Variants in TNR observed in about 807,000 individuals in gnomAD.
The protein encoded by TNR is tenascin R.
A neutral mutation model predicts 150.4 loss-of-function variants in TNR; 45 were observed. The observed-to-expected ratio is 0.30, with a 90% CI of 0.24 to 0.38. TNR has a LOEUF of 0.38. Ranked by LOEUF, TNR falls within the 10% of genes least tolerant of loss-of-function variation. TNR has a pLI of 1.00. For missense variants in TNR, 1,544 were observed against 1,759.1 expected, an observed-to-expected ratio of 0.88 and a Z score of 2.19; for synonymous variants, 687 against 678.4, an observed-to-expected ratio of 1.01 and a Z score of -0.20.
intron 2 of TNR, among the ~76,000 whole-genome samples, chr1:175,419,290 T>C (rs915018055): frequency 6.6e-6 from 1 of 152,182 alleles, no homozygotes; most frequent in South Asian, 2.1e-4. Context: ...TTTAAATGTG[T>C]TCAATCTGAA....
chr1:175,513,476 A>G (rs1659277741), intron 2 of TNR, among the ~76,000 whole-genome samples: 1 of 152,100 alleles, frequency 6.6e-6, no homozygotes, highest in Non-Finnish European at 1.5e-5. Flanking sequence ...ATCCCTCTCC[A>G]CATGCTCTGT....
intron 2 of TNR, among the ~76,000 whole-genome samples, chr1:175,496,709 G>A (rs975650636): frequency 8.5e-5 from 13 of 152,294 alleles, no homozygotes; most frequent in African/African-American, 2.9e-4. Flanking sequence ...AAAGGAACTG[G>A]CTTCAAGTCT....
At chr1:175,346,880 C>T (rs1650812611) in intron 18 of TNR, among the ~76,000 whole-genome samples, 1 of 125,900 alleles carries the variant, frequency 7.9e-6, no homozygotes, top group Non-Finnish European at 1.8e-5. Flanking sequence ...ACAAGTTATT[C>T]CACAAAAGAA....
intron 20 of TNR, among the ~76,000 whole-genome samples, chr1:175,332,390 T>A (rs1649987527): frequency 6.6e-6 from 1 of 152,100 alleles, no homozygotes. Context: ...CATTCCCTTC[T>A]CCCCAGTGAA....
chr1:175,431,724 G>C (rs1655272125), intron 2 of TNR, among the ~76,000 whole-genome samples: 1 of 151,700 alleles, frequency 6.6e-6, no homozygotes, highest in Non-Finnish European at 1.5e-5. Flanking sequence ...AAAGAGTAGT[G>C]GTCATGGTGG....
chr1:175,689,657 G>C (rs1666301435), intron 1 of TNR, among the ~76,000 whole-genome samples: 1 of 152,176 alleles, frequency 6.6e-6, no homozygotes, highest in Non-Finnish European at 1.5e-5. Context: ...GCCTCTCATT[G>C]CCTTTATTGG....
chr1:175,490,388 T>C (rs1318146501), intron 2 of TNR, among the ~76,000 whole-genome samples: 1 of 152,138 alleles, frequency 6.6e-6, no homozygotes, highest in African/African-American at 2.4e-5. Flanking sequence ...CTAAGTAAAC[T>C]AAAGAGCTTC....
chr1:175,530,680 T>C, intron 1 of TNR, among the ~76,000 whole-genome samples: 1 of 152,182 alleles, frequency 6.6e-6, no homozygotes, highest in East Asian at 1.9e-4. Context: ...ACACATACTT[T>C]TACAAGATTA....
chr1:175,354,666 G>A, intron 17 of TNR, 143 bp from the exon 18 acceptor site: 1 of 1,113,366 alleles, frequency 9.0e-7, no homozygotes, highest in South Asian at 1.5e-5. Context: ...CCACAATAAG[G>A]ATTACTGCAC....
chr1:175,706,269 T>G (rs1453178776), intron 1 of TNR, among the ~76,000 whole-genome samples: 1 of 152,204 alleles, frequency 6.6e-6, no homozygotes, highest in East Asian at 1.9e-4. Context: ...GAATGCTATG[T>G]GTCAAGCCTG....
chr1:175,606,853 G>T (rs1257597218), intron 1 of TNR, among the ~76,000 whole-genome samples: 1 of 152,148 alleles, frequency 6.6e-6, no homozygotes, highest in Non-Finnish European at 1.5e-5. Flanking sequence ...AGCAACATGG[G>T]GTCAAGTCTG....
chr1:175,576,659 T>A (rs1662122657), intron 1 of TNR, among the ~76,000 whole-genome samples: 1 of 149,870 alleles, frequency 6.7e-6, no homozygotes, highest in Non-Finnish European at 1.5e-5. Flanking sequence ...TGTAAATACT[T>A]CATAAACTTT....
rs547205482 is a variant in TNR at position 175,591,271 on chromosome 1, C to T, written c.-164-62902G>A. Among the ~76,000 whole-genome samples the T allele has an allele frequency of 4.1e-4, 63 of 152,266 alleles. 1 individual carries two copies. The highest frequency in any genetic ancestry group is 1.4e-3 in the African/African-American group (60 of 41,550). On this transcript the variant is annotated intron_variant, in intron 1 of 22. Transcript: ENST00000367674. ...TGGATGGCAGCCAGGGCTCTGTGTC[C>T]CTGGGACATAATCCCAACTGACTCT...
At chr1:175,546,003 G>A (rs1407244463) in intron 1 of TNR, among the ~76,000 whole-genome samples, 2 of 152,210 alleles carry the variant, frequency 1.3e-5, no homozygotes, top group Non-Finnish European at 2.9e-5. Flanking sequence ...ATTGGAATGT[G>A]AAGAACACTG....
At chr1:175,600,662 C>G (rs963476900) in intron 1 of TNR, among the ~76,000 whole-genome samples, 39 of 152,322 alleles carry the variant, frequency 2.6e-4, no homozygotes, top group African/African-American at 8.9e-4. Flanking sequence ...GAACCCCAGC[C>G]CCTGCTTTAC....
intron 18 of TNR, among the ~76,000 whole-genome samples, chr1:175,344,781 A>C (rs528902457): frequency 2.6e-4 from 39 of 152,362 alleles, no homozygotes; most frequent in African/African-American, 8.7e-4. Flanking sequence ...GAATTTAAAG[A>C]ATAAAAATCA....
At position 175,721,897 on chromosome 1, in the gene TNR, T is replaced by C. The variant is rs1667317140; in HGVS notation, c.-165+21329A>G. On this transcript the variant is annotated intron_variant, in intron 1 of 22. Transcript: ENST00000367674. ...CCCGGTCGGATGTGCTTCCCCTCTCTTGCAATCACAGGACAGCTGTGAGCC... is the reference window on the plus strand; with the variant it reads ...CCCGGTCGGATGTGCTTCCCCTCTCCTGCAATCACAGGACAGCTGTGAGCC... Among the ~76,000 whole-genome samples, 2 of 134,552 alleles carry C rather than the reference T, an allele frequency of 1.5e-5. 1 individual carries two copies. The highest frequency in any genetic ancestry group is 5.5e-5 in the African/African-American group (2 of 36,138). The allele number at this position is 134,552 out of a possible 152,430, so 88.3% of individuals were successfully genotyped here. A position where few individuals can be genotyped will look rare whatever the true frequency, so the allele number is the denominator to read the frequency against.
At chr1:175,364,898 A>G (rs980023326) in intron 12 of TNR, 112 bp downstream of exon 12, 10 of 1,336,188 alleles carry the variant, frequency 7.5e-6, no homozygotes, top group Non-Finnish European at 1.0e-5. Context: ...TTCTCTAGCC[A>G]TAGAGGAAAT....
At chr1:175,686,709 T>C (rs1666211834) in intron 1 of TNR, among the ~76,000 whole-genome samples, 1 of 152,336 alleles carries the variant, frequency 6.6e-6, no homozygotes, top group South Asian at 2.1e-4. Context: ...TACCCATTGT[T>C]TAGTTCCCGC....
Sources: gnomAD v4.1 joint callset for allele counts (sites outside exome capture counted in the v4.1 genomes callset) on GRCh38, gnomAD v4.1.1 for gene constraint, MANE v1.5 for transcripts, NCBI Gene and HGNC (gene_info 2026-07-23, HGNC 2026-07-21) for gene names.